Variants in SLC36A2 observed in about 807,000 individuals in gnomAD.
SLC36A2 encodes the protein solute carrier family 36 member 2.
Under a neutral mutation model 42.7 loss-of-function variants are expected in SLC36A2, and 39 were observed. The ratio of observed to expected loss-of-function variants is 0.91; its 90% CI spans 0.71 to 1.19. The LOEUF (loss-of-function observed/expected upper bound fraction) is 1.19. Among genes scored for constraint, SLC36A2 ranks in the 50% most tolerant of loss-of-function variants. The probability of loss-of-function intolerance (pLI) is 0.00; values close to 1 mark genes in which losing one functional copy is unlikely to be tolerated. For synonymous variants in SLC36A2, 237 were observed against 240.8 expected (o/e 0.98, Z 0.15); for missense variants, 590 against 613.7 (o/e 0.96, Z 0.41).
Position 151,316,456 on chromosome 5 carries a change from T to C in SLC36A2, c.*361A>G. The C allele has an allele frequency of 4.0e-6, 1 of 249,422 alleles. No homozygotes were observed. Among genetic ancestry groups the C allele is most frequent in the South Asian group, 5.4e-5 (1 of 18,556 alleles). 15.5% of individuals were successfully genotyped at this position (249,422 alleles called of 1,614,324 possible). ...ATAAAGATAATGCATATAAAAGAGA[T>C]CTGGCCAGGCGAGGTGGCTCACGCC... On this transcript the variant is annotated 3_prime_UTR_variant, in exon 10 of 10. Transcript: ENST00000335244.
chr5:151,319,733 T>C (rs1324593349), intron 9 of SLC36A2: 2 of 153,190 alleles, frequency 1.3e-5, no homozygotes, highest in African/African-American at 2.4e-5. Context: ...TCTTGGCTTT[T>C]GTCTGTGACA....
chr5:151,329,848 G>A (rs1755948815), intron 7 of SLC36A2, among the ~76,000 whole-genome samples: 1 of 152,152 alleles, frequency 6.6e-6, no homozygotes, highest in Non-Finnish European at 1.5e-5. Flanking sequence ...GAACCGCGCA[G>A]GCCCTCAAAT....
intron 8 of SLC36A2, among the ~76,000 whole-genome samples, chr5:151,324,514 T>G (rs1443448835): frequency 6.6e-6 from 1 of 152,122 alleles, no homozygotes; most frequent in Non-Finnish European, 1.5e-5. Context: ...GTATTATTAG[T>G]AGAGACGAGG....
intron 9 of SLC36A2, chr5:151,319,322 G>T: frequency 6.3e-6 from 1 of 157,852 alleles, no homozygotes; most frequent in Non-Finnish European, 1.4e-5. Context: ...GATAGTTCCT[G>T]CATTCAAGGT....
chr5:151,347,321 C>G lies in SLC36A2; in HGVS notation c.140G>C (p.Gly47Ala), dbSNP rs768792961. 13 of 1,614,106 alleles carry G rather than the reference C, an allele frequency of 8.1e-6. No homozygotes were observed. In the East Asian group the frequency reaches 2.0e-4, roughly 25 times the overall value. The change falls in exon 1 of 10, where the codon GGC becomes GCC. Residue 47 changes from glycine (G) to alanine (A), a missense_variant. Coordinates refer to ENST00000335244, the MANE Select transcript of SLC36A2 (RefSeq NM_181776.3). ...CGTTATGCCCTTGGTCTTCTTCAAG[C>G]CTGCTGACTCTGAAGGACTTTCATC... ...FLDESPSESA[G>A]LKKTKGITVF...
At chr5:151,332,439 T>A (rs1198579813) in intron 7 of SLC36A2, 1 of 456,026 alleles carries the variant, frequency 2.2e-6, no homozygotes, top group East Asian at 6.9e-5. Flanking sequence ...GGCAGTATCA[T>A]TCATGATTGT....
intron 7 of SLC36A2, among the ~76,000 whole-genome samples, chr5:151,327,658 G>T (rs2127290113): frequency 6.6e-6 from 1 of 152,248 alleles, no homozygotes; most frequent in African/African-American, 2.4e-5. Flanking sequence ...CTGAGCTCTT[G>T]CACCCTGTAA....
At chr5:151,345,997 G>GA (rs1756481989) in intron 1 of SLC36A2, among the ~76,000 whole-genome samples, 1 of 152,184 alleles carries the variant, frequency 6.6e-6, no homozygotes, top group Non-Finnish European at 1.5e-5. Flanking sequence ...AGCTAAGTGG[G>GA]AATTCGAGTC....
chr5:151,320,995 T>C (rs554636134), intron 9 of SLC36A2, among the ~76,000 whole-genome samples: 59 of 152,284 alleles, frequency 3.9e-4, no homozygotes, highest in African/African-American at 1.3e-3. Flanking sequence ...CTGCCTCAGT[T>C]TTCTCTTTCA....
At chr5:151,322,688 A>G (rs530373842) in intron 8 of SLC36A2, among the ~76,000 whole-genome samples, 21 of 152,288 alleles carry the variant, frequency 1.4e-4, no homozygotes, top group African/African-American at 5.1e-4. Context: ...TGTTGCCTCT[A>G]GTTGAGAGAA....
In SLC36A2 at chr5:151,342,973, G is replaced by A. The variant is rs773458127; in HGVS notation, c.355C>T (p.Pro119Ser). 5.3e-5 allele frequency: 85 copies of A among 1,613,698 alleles called. No homozygotes were observed. The highest frequency in any genetic ancestry group is 6.9e-5 in the Non-Finnish European group (81 of 1,179,754). Residue 119 changes from proline (P) to serine (S), a missense_variant, in exon 4 of 10, where the codon CCC (proline) becomes TCC (serine). Coordinates refer to ENST00000335244, the MANE Select transcript of SLC36A2 (RefSeq NM_181776.3). Reference protein sequence around the residue: ...AQRFCKRLNKPFMDYGDTVMH... With the variant: ...AQRFCKRLNKSFMDYGDTVMH... ...ACCGTGTCCCCATAGTCCATAAAGGGCTTGTTAAGCCTGCAGGAGAGAGTG... is the reference window on the plus strand; with the variant it reads ...ACCGTGTCCCCATAGTCCATAAAGGACTTGTTAAGCCTGCAGGAGAGAGTG...
intron 7 of SLC36A2, among the ~76,000 whole-genome samples, chr5:151,329,351 C>T (rs60721353): frequency 0.029 from 4,395 of 152,304 alleles, 214 homozygotes; most frequent in African/African-American, 0.099. Flanking sequence ...CAAAAATCAG[C>T]ATTCTGAAGA....
At chr5:151,344,109 T>C (rs1471236871) in intron 2 of SLC36A2, 68 bp downstream of exon 2, 1 of 1,459,286 alleles carries the variant, frequency 6.9e-7, no homozygotes, top group Admixed American at 1.8e-5. Context: ...GCTAAACCGC[T>C]AGAGCCTCTC....
rs201913323 is a variant in SLC36A2, at chr5:151,337,980, G to C, written c.525+1080C>G. On this transcript the variant is annotated intron_variant, in intron 5 of 9. Transcript: ENST00000335244. ...TTGAGCACTGGTGTCAGAAGGCCTGGGTTTTTAACTCTGGCTCTGTGACCT... is the reference window on the plus strand; with the variant it reads ...TTGAGCACTGGTGTCAGAAGGCCTGCGTTTTTAACTCTGGCTCTGTGACCT... Among the ~76,000 whole-genome samples the C allele has an allele frequency of 2.6e-5, 4 of 152,252 alleles. No individual in the cohort carries two copies. The East Asian group carries it at 7.7e-4, about 29-fold the overall frequency.
intron 7 of SLC36A2, among the ~76,000 whole-genome samples, chr5:151,331,722 C>G (rs72794200): frequency 3.9e-5 from 6 of 152,206 alleles, no homozygotes; most frequent in Non-Finnish European, 7.4e-5. Flanking sequence ...TTTTGTGCAT[C>G]ACAGTTCACT....
At chr5:151,346,502 A>G (rs569375591) in intron 1 of SLC36A2, among the ~76,000 whole-genome samples, 9 of 152,228 alleles carry the variant, frequency 5.9e-5, no homozygotes, top group African/African-American at 2.2e-4. Context: ...GAGAAGGAGC[A>G]GAGAAACCAC....
rs777970925 is a variant in SLC36A2 at position 151,317,050 on chromosome 5, T to C, written c.1219A>G (p.Ile407Val). Residue 407 changes from isoleucine to valine, a missense_variant, in exon 10 of 10, where the codon ATC becomes GTC. Transcript: ENST00000335244. ...AILIPRLDLVISLVGSVSGTA... is the reference protein window; with the variant it reads ...AILIPRLDLVVSLVGSVSGTA... ...CCACTCACGGAGCCCACCAGGGAGA[T>C]GACCAGGTCCAGGCGGGGGATGAGG... 5.6e-6 allele frequency: 9 copies of C among 1,614,038 alleles called. No individual in the cohort carries two copies. Among genetic ancestry groups the C allele is most frequent in the Non-Finnish European group, 6.8e-6 (8 of 1,180,008 alleles).
chr5:151,347,363 T>A lies in SLC36A2; in HGVS notation c.98A>T (p.Lys33Met), dbSNP rs1209545296. 6.2e-7 allele frequency: 1 copy of A among 1,614,264 alleles called. No homozygotes were observed. The highest frequency in any genetic ancestry group is 8.5e-7 in the Non-Finnish European group (1 of 1,180,050). ...PPESAKKLENKDSTFLDESPS... is the reference protein window; with the variant it reads ...PPESAKKLENMDSTFLDESPS... ...ACTTTCATCCAAGAATGTAGAGTCC[T>A]TGTTCTCCAACTTCTTGGCACTTTC... The change falls in exon 1 of 10, where the codon AAG (lysine) becomes ATG (methionine). Residue 33 changes from lysine to methionine, a missense_variant. By Grantham distance (95) the Lys-to-Met change is moderately conservative. Transcript: ENST00000335244.
intron 3 of SLC36A2, 112 bp downstream of exon 3, chr5:151,343,398 G>T: frequency 8.9e-7 from 1 of 1,118,284 alleles, no homozygotes; most frequent in Non-Finnish European, 1.4e-6. Context: ...CTCTTTCTTG[G>T]CCTTATTGGA....
Sources: gnomAD v4.1 joint callset for allele counts (sites outside exome capture counted in the v4.1 genomes callset) on GRCh38, gnomAD v4.1.1 for gene constraint, MANE v1.5 for transcripts, NCBI Gene and HGNC (gene_info 2026-07-23, HGNC 2026-07-21) for gene names.